GPBP1: variants seen among roughly 807,000 people sequenced by gnomAD.
GPBP1 encodes the protein vasculin.
Under a neutral mutation model 56.5 loss-of-function variants are expected in GPBP1, and 13 were observed. The ratio of observed to expected loss-of-function variants is 0.23; its 90% CI spans 0.15 to 0.37. The LOEUF is 0.37. Ranked by LOEUF, GPBP1 falls within the 10% of genes least tolerant of loss-of-function variation. The probability of loss-of-function intolerance (pLI) is 1.00; values close to 1 mark genes in which losing one functional copy is unlikely to be tolerated. For missense variants in GPBP1, 477 were observed against 572.3 expected, an observed-to-expected ratio of 0.83 and a Z score of 1.70; for synonymous variants, 204 against 188.9, an observed-to-expected ratio of 1.08 and a Z score of -0.66.
chr5:57,230,823 T>C lies in GPBP1; in HGVS notation c.64-23T>C, dbSNP rs1212111674. ...GTTATATTTAGGTTTCATAAATACC[T>C]GTATTTTTATAATTTGTTTCAGTCG... is the stretch of plus-strand genomic sequence containing the variant. On this transcript the variant is annotated intron_variant, in intron 3 of 11. Transcript: ENST00000506184. The C allele has an allele frequency of 3.2e-6, 5 of 1,582,002 alleles. No individual in the cohort carries two copies. The Admixed American group carries it at 5.5e-5, about 17-fold the overall frequency.
chr5:57,255,833 GTTCT>G (rs1561378206), intron 10 of GPBP1, among the ~76,000 whole-genome samples: 1 of 152,058 alleles, frequency 6.6e-6, no homozygotes, highest in African/African-American at 2.4e-5. Flanking sequence ...CATTTTGATG[GTTCT>G]TCTTTCATTT....
At chr5:57,224,065 C>T (rs1756070947) in intron 3 of GPBP1, among the ~76,000 whole-genome samples, 1 of 151,662 alleles carries the variant, frequency 6.6e-6, no homozygotes, top group African/African-American at 2.4e-5. Context: ...GATCTCCTGA[C>T]CTCATGATCC....
chr5:57,254,164 G>A (rs577097947), intron 10 of GPBP1, among the ~76,000 whole-genome samples: 5 of 152,230 alleles, frequency 3.3e-5, no homozygotes, highest in South Asian at 2.1e-4. Context: ...GGGCTCAAGC[G>A]ATCCTCCTGC....
At chr5:57,239,008 A>G (rs1018682088) in intron 6 of GPBP1, among the ~76,000 whole-genome samples, 3 of 152,234 alleles carry the variant, frequency 2.0e-5, no homozygotes, top group African/African-American at 7.2e-5. Flanking sequence ...GATGAAAGCC[A>G]ATGGGGATTG....
intron 9 of GPBP1, among the ~76,000 whole-genome samples, chr5:57,250,453 T>C (rs910953516): frequency 6.6e-6 from 1 of 152,178 alleles, no homozygotes; most frequent in Non-Finnish European, 1.5e-5. Flanking sequence ...TGTATAGATA[T>C]GAATACTTAG....
At chr5:57,218,199 T>G (rs1755783415) in intron 3 of GPBP1, among the ~76,000 whole-genome samples, 1 of 152,178 alleles carries the variant, frequency 6.6e-6, no homozygotes, top group Admixed American at 6.5e-5. Flanking sequence ...ATAATTCATT[T>G]CAGTTCTGAC....
chr5:57,175,167 A>G (rs1026133593), intron 1 of GPBP1, among the ~76,000 whole-genome samples: 2 of 152,236 alleles, frequency 1.3e-5, no homozygotes, highest in Admixed American at 6.5e-5. Context: ...GTTTGCTTAT[A>G]TAATTCCCCA....
In GPBP1 at chr5:57,263,761, C is replaced by G. The variant is rs1338062708; in HGVS notation, c.*1009C>G. The G allele has an allele frequency of 6.6e-6, 1 of 152,144 alleles. No homozygotes were observed. Among genetic ancestry groups the G allele is most frequent in the African/African-American group, 2.4e-5 (1 of 41,444 alleles). The allele number at this position is 152,144 out of a possible 1,614,324, so 9.4% of individuals were successfully genotyped here. A position where few individuals can be genotyped will look rare whatever the true frequency, so the allele number is the denominator to read the frequency against. On this transcript the variant is annotated 3_prime_UTR_variant, in exon 12 of 12. Coordinates refer to ENST00000506184, the MANE Select transcript of GPBP1 (RefSeq NM_022913.4). Reference sequence around the variant, plus strand: ...GCGTTTTCATTATCAAATACACAAGCTTATTAAATGAATGACTGTTAACTA... The same window carrying G: ...GCGTTTTCATTATCAAATACACAAGGTTATTAAATGAATGACTGTTAACTA...
rs541240459 is a variant in GPBP1 at position 57,187,472 on chromosome 5, T to G, written c.-58+11072T>G. Among the ~76,000 whole-genome samples the G allele has an allele frequency of 2.0e-5, 3 of 152,290 alleles. No individual in the cohort carries two copies. The South Asian group carries it at 6.2e-4, about 32-fold the overall frequency. ...AGGAAATGTTTGAGTGCCTATGGTA[T>G]CGTTGGTGCTGGGGATTTTCTAGTG... On this transcript the variant is annotated intron_variant, in intron 2 of 11. Transcript: ENST00000506184.
intron 4 of GPBP1, 52 bp from the exon 5 acceptor site, chr5:57,231,039 ATTCAATC>A (rs1214138899): frequency 1.3e-6 from 2 of 1,584,566 alleles, no homozygotes; most frequent in Non-Finnish European, 8.6e-7. Context: ...TTTTGATGTG[ATTCAATC>A]TTTAAGCTTC....
At chr5:57,221,243 C>T (rs1755945814) in intron 3 of GPBP1, 2 of 602,536 alleles carry the variant, frequency 3.3e-6, no homozygotes, top group Non-Finnish European at 5.6e-6. Context: ...TTTACACAGT[C>T]TTTTCATTTT....
At chr5:57,194,222 G>C (rs1474618440) in intron 2 of GPBP1, among the ~76,000 whole-genome samples, 1 of 152,118 alleles carries the variant, frequency 6.6e-6, no homozygotes, top group Non-Finnish European at 1.5e-5. Flanking sequence ...AGTAGCGCTA[G>C]TGAATAGTTC....
chr5:57,219,925 G>T (rs1755880255), intron 3 of GPBP1, among the ~76,000 whole-genome samples: 1 of 151,774 alleles, frequency 6.6e-6, no homozygotes, highest in Admixed American at 6.6e-5. Flanking sequence ...GGTGGCGCGT[G>T]CCTGTAATCC....
At chr5:57,237,828 C>T (rs553769311) in intron 6 of GPBP1, among the ~76,000 whole-genome samples, 34 of 150,680 alleles carry the variant, frequency 2.3e-4, no homozygotes, top group Admixed American at 8.0e-4. Context: ...AATTTACTAA[C>T]GAAAATATAA....
chr5:57,249,772 T>TA (rs1741274438), intron 9 of GPBP1, among the ~76,000 whole-genome samples, 196 bp downstream of exon 9: 1 of 27,528 alleles, frequency 3.6e-5, no homozygotes, highest in Non-Finnish European at 6.9e-5. Context: ...CCCCTTCCCC[T>TA]CTCCCCTTCC....
intron 3 of GPBP1, among the ~76,000 whole-genome samples, chr5:57,226,788 A>G (rs1315315319): frequency 1.0e-4 from 13 of 126,434 alleles, no homozygotes; most frequent in African/African-American, 4.1e-4. Flanking sequence ...TGCCCAGGCT[A>G]GAGTGCAGTG....
intron 2 of GPBP1, among the ~76,000 whole-genome samples, chr5:57,207,917 C>T (rs941937571): frequency 2.6e-5 from 4 of 152,100 alleles, no homozygotes; most frequent in African/African-American, 9.7e-5. Flanking sequence ...TTTGTGTGTT[C>T]TTCCGCCGAT....
rs572020695 is a variant in GPBP1, at chr5:57,241,351, TAGA to T, written c.479-4944_479-4942del. ...CAGTTCCCCGTCATCACTGCATTTATAGAAGAAAACTAATTCTTACATTCATAG... is the reference window on the plus strand; with the variant it reads ...CAGTTCCCCGTCATCACTGCATTTATAGAAAACTAATTCTTACATTCATAG... On this transcript the variant is annotated intron_variant, in intron 6 of 11. Transcript: ENST00000506184. Among the ~76,000 whole-genome samples the T allele has an allele frequency of 9.8e-5, 15 of 152,356 alleles. 1 individual carries two copies. The South Asian group carries it at 2.9e-3, about 29-fold the overall frequency.
At chr5:57,225,292 A>G (rs1561353268) in intron 3 of GPBP1, among the ~76,000 whole-genome samples, 1 of 143,282 alleles carries the variant, frequency 7.0e-6, no homozygotes, top group Non-Finnish European at 1.5e-5. Flanking sequence ...CCCCGTCTCT[A>G]CTAAAACCTG....
Sources: gnomAD v4.1 joint callset for allele counts (sites outside exome capture counted in the v4.1 genomes callset) on GRCh38, gnomAD v4.1.1 for gene constraint, MANE v1.5 for transcripts, NCBI Gene and HGNC (gene_info 2026-07-23, HGNC 2026-07-21) for gene names.